RGSL1: variants seen among roughly 807,000 people sequenced by gnomAD.
RGSL1 encodes the protein regulator of G protein signaling protein-like.
In RGSL1, 97 loss-of-function variants were observed where a neutral mutation model predicts 124.7. The observed-to-expected ratio is 0.78, with a 90% CI of 0.66 to 0.92. The LOEUF (loss-of-function observed/expected upper bound fraction) is 0.92, where lower values mean the gene tolerates loss of function less well. RGSL1 is among the 40% of genes least tolerant of loss of function. The pLI is 0.00. For missense variants in RGSL1, 1,233 were observed against 1,288.4 expected (o/e 0.96, Z 0.66); for synonymous variants, 424 against 438.1 (o/e 0.97, Z 0.40).
At position 182,473,718 on chromosome 1, in the gene RGSL1, G is replaced by A; in HGVS notation, c.607G>A (p.Ala203Thr). 2 of 1,551,684 alleles carry A rather than the reference G, an allele frequency of 1.3e-6. No homozygotes were observed. The highest frequency in any genetic ancestry group is 1.7e-6 in the Non-Finnish European group (2 of 1,147,006). The change falls in exon 6 of 22, where the codon GCC (alanine) becomes ACC (threonine). Residue 203 changes from alanine (A) to threonine (T), a missense_variant. Ala to Thr is a moderately conservative substitution (Grantham distance 58, BLOSUM62 0). Transcript: ENST00000294854. Reference protein sequence around the residue: ...NFYTHTKMTMAKEEACHGLMQ... With the variant: ...NFYTHTKMTMTKEEACHGLMQ... ...TTACACCCACACCAAGATGACCATGGCCAAGGAGGAAGCATGCCATGGTCT... is the reference window on the plus strand; with the variant it reads ...TTACACCCACACCAAGATGACCATGACCAAGGAGGAAGCATGCCATGGTCT...
intron 14 of RGSL1, among the ~76,000 whole-genome samples, chr1:182,533,509 G>A (rs896955640): frequency 4.0e-5 from 6 of 149,050 alleles, no homozygotes; most frequent in African/African-American, 1.3e-4. Flanking sequence ...GTGAACAGTA[G>A]TGAGCCTGCA....
chr1:182,454,315 C>T (rs551441776), intron 2 of RGSL1, among the ~76,000 whole-genome samples: 2 of 152,168 alleles, frequency 1.3e-5, no homozygotes, highest in Non-Finnish European at 2.9e-5. Context: ...ATCATACCCT[C>T]TGCTGATCCC....
At position 182,474,161 on chromosome 1, in the gene RGSL1, T is replaced by A. The variant is rs1571515024; in HGVS notation, c.1050T>A (p.Asn350Lys). 1 of 1,551,916 alleles carries A rather than the reference T, an allele frequency of 6.4e-7. No homozygotes were observed. The highest frequency in any genetic ancestry group is 1.4e-5 in the African/African-American group (1 of 73,032). ...TGAGGACTGTCATCCCCATTGTCAA[T>A]CACTCCTCCAAGATGACAATTCAGA... ...THLRTVIPIV[N>K]HSSKMTIQKA... Residue 350 changes from asparagine (N) to lysine (K), a missense_variant, in exon 6 of 22, where the codon AAT (asparagine) becomes AAA (lysine). Coordinates refer to ENST00000294854, the MANE Select transcript of RGSL1 (RefSeq NM_001137669.2).
intron 15 of RGSL1, among the ~76,000 whole-genome samples, chr1:182,546,826 TA>T (rs1660241855): frequency 6.6e-6 from 1 of 152,234 alleles, no homozygotes; most frequent in African/African-American, 2.4e-5. Context: ...ATAGCAATTA[TA>T]GTTACTAATT....
chr1:182,553,297 G>C (rs922321870), intron 18 of RGSL1, among the ~76,000 whole-genome samples, 158 bp from the exon 19 acceptor site: 4 of 152,152 alleles, frequency 2.6e-5, no homozygotes, highest in Non-Finnish European at 5.9e-5. Flanking sequence ...TCAAACCATA[G>C]CATCTCACAT....
At chr1:182,554,507 C>G in intron 19 of RGSL1, 120 bp from the exon 20 acceptor site, 1 of 778,218 alleles carries the variant, frequency 1.3e-6, no homozygotes, top group Non-Finnish European at 2.2e-6. Flanking sequence ...CACTTTCCAA[C>G]CCCTACATTG....
At chr1:182,455,509 G>A (rs532059407) in intron 2 of RGSL1, among the ~76,000 whole-genome samples, 18 of 152,072 alleles carry the variant, frequency 1.2e-4, no homozygotes, top group Non-Finnish European at 2.5e-4. Context: ...TTGAGCCCAG[G>A]AGGCGGAGGT....
chr1:182,477,681 C>G (rs779125468), intron 6 of RGSL1, among the ~76,000 whole-genome samples: 33 of 152,334 alleles, frequency 2.2e-4, no homozygotes, highest in Non-Finnish European at 3.8e-4. Flanking sequence ...GAACCAGGCT[C>G]TAACTCCATC....
intron 10 of RGSL1, among the ~76,000 whole-genome samples, chr1:182,526,689 A>G (rs2102254275): frequency 6.6e-6 from 1 of 152,338 alleles, no homozygotes; most frequent in South Asian, 2.1e-4. Context: ...AAGGAATGCA[A>G]AAACCAGTTA....
intron 11 of RGSL1, 46 bp from the exon 12 acceptor site, chr1:182,530,198 A>G (rs770400067): frequency 2.1e-6 from 3 of 1,408,316 alleles, no homozygotes; most frequent in Non-Finnish European, 2.9e-6. Flanking sequence ...TATCTCAGAA[A>G]TGGTAGATGA....
In RGSL1 at chr1:182,488,303, G is replaced by A. The variant is rs1308490346; in HGVS notation, c.1450G>A (p.Asp484Asn). The A allele has an allele frequency of 6.4e-7, 1 of 1,552,314 alleles. No individual in the cohort carries two copies. The highest frequency in any genetic ancestry group is 1.4e-5 in the African/African-American group (1 of 73,178). Residue 484 changes from aspartate to asparagine, a missense_variant, in exon 7 of 22, where the codon GAT becomes AAT. Asp to Asn is a conservative substitution (Grantham distance 23, BLOSUM62 1). Transcript: ENST00000294854. ...EICKMLSPWY[D>N]EFLDEEDYWF... Reference sequence around the variant, plus strand: ...TTTTCAGATGCTCAGTCCCTGGTATGATGAGTTTCTAGATGAAGAGGACTA... The same window carrying A: ...TTTTCAGATGCTCAGTCCCTGGTATAATGAGTTTCTAGATGAAGAGGACTA...
chr1:182,537,391 C>G (rs74128947), intron 14 of RGSL1, among the ~76,000 whole-genome samples: 2,472 of 152,244 alleles, frequency 0.016, 59 homozygotes, highest in African/African-American at 0.053. Context: ...TGTATATGCA[C>G]ATATTCCAAA....
At chr1:182,509,355 G>T (rs1308018205) in intron 9 of RGSL1, among the ~76,000 whole-genome samples, 1 of 34,594 alleles carries the variant, frequency 2.9e-5, no homozygotes, top group Non-Finnish European at 8.3e-5. Context: ...CGGCTGGCCG[G>T]GCAGAGGGGC....
At chr1:182,490,342 A>C (rs1655426220) in intron 8 of RGSL1, among the ~76,000 whole-genome samples, 1 of 152,222 alleles carries the variant, frequency 6.6e-6, no homozygotes, top group African/African-American at 2.4e-5. Flanking sequence ...TAATTTGTTC[A>C]GGATTAGAGG....
chr1:182,460,722 C>T (rs1157869166), intron 4 of RGSL1: 1 of 455,992 alleles, frequency 2.2e-6, no homozygotes, highest in East Asian at 6.9e-5. Context: ...GTTTCCTCAT[C>T]TAGACAACAA....
chr1:182,486,481 T>C (rs537382263), intron 6 of RGSL1, among the ~76,000 whole-genome samples: 1 of 151,846 alleles, frequency 6.6e-6, no homozygotes, highest in Non-Finnish European at 1.5e-5. Flanking sequence ...GCGCCTCCCA[T>C]AGGTGCACGC....
In RGSL1 at chr1:182,527,682, C is replaced by A. The variant is rs371787481; in HGVS notation, c.2035C>A (p.Gln679Lys). The change falls in exon 11 of 22, where the codon CAG (glutamine) becomes AAG (lysine). Residue 679 changes from glutamine (Q) to lysine (K), a missense_variant. Gln to Lys is a moderately conservative substitution (Grantham distance 53). Transcript: ENST00000294854. ...CCCATTGCAATTTCTCACAGCTGTA[C>A]AGAAGATCAGTATAGAGACCAATGA... ...KIPLQFLTAV[Q>K]KISIETNEKI... 1 of 1,551,360 alleles carries A rather than the reference C, an allele frequency of 6.4e-7. No homozygotes were observed. Among genetic ancestry groups the A allele is most frequent in the South Asian group, 1.2e-5 (1 of 84,050 alleles).
At chr1:182,501,314 T>C (rs1386586479) in intron 9 of RGSL1, among the ~76,000 whole-genome samples, 45 of 60,378 alleles carry the variant, frequency 7.5e-4, no homozygotes, top group South Asian at 1.5e-3. Context: ...TTTCTTTTTT[T>C]TTTTTTTTTT....
intron 11 of RGSL1, among the ~76,000 whole-genome samples, chr1:182,529,274 G>C (rs1356501951): frequency 6.6e-6 from 1 of 152,188 alleles, no homozygotes; most frequent in African/African-American, 2.4e-5. Context: ...ACACAGAGAG[G>C]TTAACTAGCT....
Sources: gnomAD v4.1 joint callset for allele counts (sites outside exome capture counted in the v4.1 genomes callset) on GRCh38, gnomAD v4.1.1 for gene constraint, MANE v1.5 for transcripts, NCBI Gene and HGNC (gene_info 2026-07-23, HGNC 2026-07-21) for gene names.